DUS2: variants seen among roughly 807,000 people sequenced by gnomAD.
DUS2 encodes the protein dihydrouridine synthase 2, also known as tRNA-dihydrouridine(20) synthase [NAD(P)+]-like.
DUS2 carries 52 observed loss-of-function variants against 71.3 expected under a neutral mutation model. The observed-to-expected ratio is 0.73, with a 90% CI of 0.58 to 0.92. The LOEUF (loss-of-function observed/expected upper bound fraction) is 0.92, where lower values mean the gene tolerates loss of function less well. Ranked by LOEUF, DUS2 falls within the 40% of genes least tolerant of loss-of-function variation. DUS2 has a pLI of 0.00. For missense variants in DUS2, 558 were observed against 622.6 expected (o/e 0.90, Z 1.10); for synonymous variants, 204 against 227.8 (o/e 0.90, Z 0.94).
At chr16:68,040,185 A>G (rs1278162290) in intron 3 of DUS2, among the ~76,000 whole-genome samples, 1 of 151,814 alleles carries the variant, frequency 6.6e-6, no homozygotes, top group African/African-American at 2.4e-5. Context: ...CCCAGGTTCA[A>G]GTGATTCTCC....
At position 68,056,414 on chromosome 16, in the gene DUS2, A is replaced by G. The variant is rs1349567508; in HGVS notation, c.359A>G (p.Tyr120Cys). Residue 120 changes from tyrosine to cysteine, a missense_variant, in exon 7 of 17, where the codon TAT becomes TGT. Coordinates refer to ENST00000565263, the MANE Select transcript of DUS2 (RefSeq NM_017803.5). ...GTCAACATGGGCTGTCCAAAACAAT[A>G]TTCCACCAAGGTAAACTGGTTTCTT... ...IDVNMGCPKQYSTKGGMGAAL... is the reference protein window; with the variant it reads ...IDVNMGCPKQCSTKGGMGAAL... 1.2e-6 allele frequency: 2 copies of G among 1,613,482 alleles called. No individual in the cohort carries two copies. The highest frequency in any genetic ancestry group is 1.7e-6 in the Non-Finnish European group (2 of 1,179,644).
intron 1 of DUS2, among the ~76,000 whole-genome samples, chr16:68,024,575 T>C (rs571901034): frequency 2.0e-5 from 3 of 152,286 alleles, no homozygotes; most frequent in Non-Finnish European, 4.4e-5. Context: ...TTTGCTTTTT[T>C]TGGAATAGTA....
chr16:68,056,833 GTTATATA>G (rs1457781632), intron 7 of DUS2, among the ~76,000 whole-genome samples: 2 of 143,282 alleles, frequency 1.4e-5, no homozygotes, highest in African/African-American at 5.1e-5. Flanking sequence ...TATATATAAT[GTTATATA>G]TTATATAATG....
At chr16:68,076,761 A>G (rs1287396583) in intron 15 of DUS2, 42 bp downstream of exon 15, 2 of 1,536,574 alleles carry the variant, frequency 1.3e-6, no homozygotes, top group Non-Finnish European at 1.8e-6. Flanking sequence ...CAGTCACAGC[A>G]CTCCCATGGC....
At chr16:68,036,546 A>C (rs1015087965) in intron 2 of DUS2, among the ~76,000 whole-genome samples, 4 of 151,134 alleles carry the variant, frequency 2.6e-5, no homozygotes, top group African/African-American at 7.3e-5. Context: ...CTTGTGATCC[A>C]CCTGCCTCAG....
chr16:68,032,237 C>T (rs534604892), intron 2 of DUS2, among the ~76,000 whole-genome samples: 11 of 152,280 alleles, frequency 7.2e-5, no homozygotes, highest in Non-Finnish European at 1.5e-4. Flanking sequence ...CCAGACCAAC[C>T]ACCCTACAAG....
chr16:68,035,929 T>TACACACAC (rs1187847091), intron 2 of DUS2, among the ~76,000 whole-genome samples: 1 of 108,576 alleles, frequency 9.2e-6, no homozygotes, highest in African/African-American at 3.9e-5. Context: ...TATATATATA[T>TACACACAC]ACACACATAC....
chr16:68,055,279 G>A (rs1433109718), intron 6 of DUS2, among the ~76,000 whole-genome samples: 1 of 152,114 alleles, frequency 6.6e-6, no homozygotes, highest in East Asian at 1.9e-4. Flanking sequence ...TAGATAGGAA[G>A]CCTGGGGAAC....
In DUS2 at chr16:68,071,065, G is replaced by T. The variant is rs1391778996; in HGVS notation, c.767G>T (p.Gly256Val). ...MWNPSIFLKE[G>V]LRPLEEVMQK... Reference sequence around the variant, plus strand: ...AACCCATCTATCTTCCTCAAGGAGGGTCTGCGGCCCCTGGAGGAGGTCATG... The same window carrying T: ...AACCCATCTATCTTCCTCAAGGAGGTTCTGCGGCCCCTGGAGGAGGTCATG... The change falls in exon 12 of 17, where the codon GGT (glycine) becomes GTT (valine). Residue 256 changes from glycine to valine, a missense_variant. Physicochemically the swap from Gly to Val is moderately radical, Grantham distance 109. Coordinates refer to ENST00000565263, the MANE Select transcript of DUS2 (RefSeq NM_017803.5). 1 of 1,614,218 alleles carries T rather than the reference G, an allele frequency of 6.2e-7. No homozygotes were observed. Among genetic ancestry groups the T allele is most frequent in the Non-Finnish European group, 8.5e-7 (1 of 1,180,044 alleles).
chr16:68,026,084 A>G (rs2033344622), intron 2 of DUS2, among the ~76,000 whole-genome samples: 1 of 152,158 alleles, frequency 6.6e-6, no homozygotes. Context: ...TCTGCCTCCC[A>G]GGTTCAAGTG....
intron 3 of DUS2, among the ~76,000 whole-genome samples, chr16:68,039,665 C>T (rs1019647144): frequency 6.6e-6 from 1 of 152,028 alleles, no homozygotes; most frequent in African/African-American, 2.4e-5. Context: ...TCATGATCCT[C>T]ACGTCTCCGC....
chr16:68,041,475 A>G (rs2033624143), intron 3 of DUS2, among the ~76,000 whole-genome samples: 1 of 152,110 alleles, frequency 6.6e-6, no homozygotes, highest in Non-Finnish European at 1.5e-5. Context: ...GGACAAGGCA[A>G]TGTTCTTAAG....
chr16:68,042,883 A>C (rs1446113210), intron 3 of DUS2, among the ~76,000 whole-genome samples: 2 of 151,414 alleles, frequency 1.3e-5, no homozygotes, highest in Non-Finnish European at 2.9e-5. Flanking sequence ...TAATTTTTGT[A>C]TTTTTGGTAG....
At chr16:68,061,175 G>A (rs2033935421) in intron 8 of DUS2, 62 bp downstream of exon 8, 1 of 1,533,818 alleles carries the variant, frequency 6.5e-7, no homozygotes, top group Non-Finnish European at 9.0e-7. Flanking sequence ...GAATTGTCTA[G>A]AACGCCTCCT....
chr16:68,075,881 C>T (rs1217539143), intron 14 of DUS2, among the ~76,000 whole-genome samples: 1 of 152,180 alleles, frequency 6.6e-6, no homozygotes. Flanking sequence ...GCAGCCCCTA[C>T]CCACACCCAG....
intron 3 of DUS2, among the ~76,000 whole-genome samples, chr16:68,042,545 G>C (rs1421785518): frequency 6.6e-6 from 1 of 152,070 alleles, no homozygotes; most frequent in Non-Finnish European, 1.5e-5. Context: ...TGTTGTTTTT[G>C]AGACAGAGTC....
chr16:68,049,621 G>T, intron 4 of DUS2, 71 bp downstream of exon 4: 2 of 1,442,830 alleles, frequency 1.4e-6, no homozygotes, highest in Non-Finnish European at 2.0e-6. Context: ...CACTGCCCTT[G>T]CCTGGGGTGA....
chr16:68,056,737 G>A (rs896464280), intron 7 of DUS2, among the ~76,000 whole-genome samples: 1 of 149,730 alleles, frequency 6.7e-6, no homozygotes, highest in Non-Finnish European at 1.5e-5. Context: ...CCCTCAAGTG[G>A]TTTATACATA....
At chr16:68,071,762 C>T (rs150929051) in intron 12 of DUS2, among the ~76,000 whole-genome samples, 1,703 of 152,016 alleles carry the variant, frequency 0.011, 10 homozygotes, top group Middle Eastern at 0.024. Context: ...TTCAGCCTCC[C>T]AAGTAGTTGG....
Sources: gnomAD v4.1 joint callset for allele counts (sites outside exome capture counted in the v4.1 genomes callset) on GRCh38, gnomAD v4.1.1 for gene constraint, MANE v1.5 for transcripts, NCBI Gene and HGNC (gene_info 2026-07-23, HGNC 2026-07-21) for gene names.